Variants in POMT2 observed in about 807,000 individuals in gnomAD.
POMT2 encodes the protein protein O-mannosyl-transferase 2.
Under a neutral mutation model 100.0 loss-of-function variants are expected in POMT2, and 75 were observed. The ratio of observed to expected loss-of-function variants is 0.75; its 90% CI spans 0.62 to 0.91. The LOEUF (loss-of-function observed/expected upper bound fraction) is 0.91, where lower values mean the gene tolerates loss of function less well. Ranked by LOEUF, POMT2 falls within the 40% of genes least tolerant of loss-of-function variation. POMT2 has a pLI of 0.00. For synonymous variants in POMT2, 378 were observed against 374.1 expected (o/e 1.01, Z -0.12); for missense variants, 940 against 955.1 (o/e 0.98, Z 0.21).
intron 5 of POMT2, 84 bp downstream of exon 5, chr14:77,302,751 C>T: frequency 8.8e-7 from 1 of 1,133,532 alleles, no homozygotes; most frequent in African/African-American, 1.5e-5. Context: ...AGTCTCTGGG[C>T]ACCCGCCCTG....
At position 77,308,201 on chromosome 14, in the gene POMT2, G is replaced by GA. The variant is rs567249282; in HGVS notation, c.334-1761dup. On this transcript the variant is annotated intron_variant, in intron 2 of 20. Coordinates refer to ENST00000261534, the MANE Select transcript of POMT2 (RefSeq NM_013382.7). ...ACTAAACAACTCTTTCAAATCAATA[G>GA]AAAAAAAATGAATTACTAGAAAAAA... Among the ~76,000 whole-genome samples the GA allele has an allele frequency of 7.4e-5, 11 of 148,226 alleles. No homozygotes were observed. The South Asian group carries it at 1.7e-3, about 23-fold the overall frequency.
At chr14:77,304,229 T>C (rs1891149081) in intron 4 of POMT2, among the ~76,000 whole-genome samples, 1 of 152,252 alleles carries the variant, frequency 6.6e-6, no homozygotes. Flanking sequence ...CATTTATCCA[T>C]GTGAAGATTA....
chr14:77,306,568 G>C, intron 2 of POMT2, 127 bp from the exon 3 acceptor site: 5 of 1,055,928 alleles, frequency 4.7e-6, no homozygotes, highest in Non-Finnish European at 7.0e-6. Context: ...AGAAAATGTT[G>C]CCAATGCAAC....
At chr14:77,304,892 A>T (rs1891172201) in intron 3 of POMT2, 92 bp from the exon 4 acceptor site, 1 of 1,534,730 alleles carries the variant, frequency 6.5e-7, no homozygotes, top group Non-Finnish European at 8.8e-7. Flanking sequence ...AAGACAGGGG[A>T]CCTGATGAAG....
At chr14:77,318,198 A>C (rs1891697440) in intron 1 of POMT2, among the ~76,000 whole-genome samples, 1 of 152,202 alleles carries the variant, frequency 6.6e-6, no homozygotes, top group Admixed American at 6.5e-5. Flanking sequence ...CCTATCCAGC[A>C]CCAAAGCCTG....
rs892492028 is a variant in POMT2 at position 77,277,347 on chromosome 14, G to T, written c.*29C>A. On this transcript the variant is annotated 3_prime_UTR_variant, in exon 21 of 21. Coordinates refer to ENST00000261534, the MANE Select transcript of POMT2 (RefSeq NM_013382.7). ...CAGCTGGCTCTCCTGGGAAGTTCCT[G>T]GACCCAGGCTGGAATCTTTGCAGTG... is the stretch of plus-strand genomic sequence containing the variant. 2 of 1,567,678 alleles carry T rather than the reference G, an allele frequency of 1.3e-6. No homozygotes were observed. The highest frequency in any genetic ancestry group is 1.8e-6 in the Non-Finnish European group (2 of 1,138,094).
Position 77,279,808 on chromosome 14 carries a change from C to T in POMT2, c.1891+15G>A, listed in dbSNP as rs1161543290. Reference sequence around the variant, plus strand: ...TGCCGCCAGGTCAGGGGAGGGAGAGCCCAGAGGACCTGACCTGCAACCTCC... The same window carrying T: ...TGCCGCCAGGTCAGGGGAGGGAGAGTCCAGAGGACCTGACCTGCAACCTCC... On this transcript the variant is annotated intron_variant, in intron 18 of 20. Transcript: ENST00000261534. 1.2e-6 allele frequency: 2 copies of T among 1,609,440 alleles called. No individual in the cohort carries two copies. Among genetic ancestry groups the T allele is most frequent in the South Asian group, 2.2e-5 (2 of 90,512 alleles).
intron 20 of POMT2, 200 bp downstream of exon 20, chr14:77,278,194 T>C: frequency 1.6e-6 from 1 of 606,846 alleles, no homozygotes; most frequent in South Asian, 1.8e-5. Flanking sequence ...AGTTAAGCCC[T>C]GCTTCTCCTA....
At chr14:77,304,006 G>A (rs1308013653) in intron 4 of POMT2, among the ~76,000 whole-genome samples, 1 of 152,174 alleles carries the variant, frequency 6.6e-6, no homozygotes, top group Non-Finnish European at 1.5e-5. Context: ...GGAAATTCAA[G>A]ATACAAGGAA....
At chr14:77,308,861 C>A in intron 2 of POMT2, 1 of 418,078 alleles carries the variant, frequency 2.4e-6, no homozygotes, top group Non-Finnish European at 4.7e-6. Context: ...CGCAACTATA[C>A]AACGATATAT....
Position 77,288,786 on chromosome 14 carries a change from T to C in POMT2, c.1229A>G (p.Asp410Gly). The change falls in exon 11 of 21, where the codon GAC becomes GGC. Residue 410 changes from aspartate to glycine, a missense_variant. Asp to Gly is a moderately conservative substitution (Grantham distance 94). Transcript: ENST00000261534. ...CTCTTTGTGTTCTAGTCGAATAATG[T>C]CTCCATGTCTTACAAACTCCACTGG... The part of the protein sequence containing the change: ...SFPVEFVRHG[D>G]IIRLEHKETS... The C allele has an allele frequency of 1.2e-6, 2 of 1,613,864 alleles. No homozygotes were observed. The highest frequency in any genetic ancestry group is 1.7e-6 in the Non-Finnish European group (2 of 1,179,920).
chr14:77,306,352 G>A lies in POMT2; in HGVS notation c.423C>T (p.Tyr141=). The part of the protein sequence containing the change: ...KPGDKYEHHS[Y]MGMRGFCAFL... ...GAAGCCTTACTCCTCTCATTCCCAT[G>A]TAGCTGTGATGCTCATATTTATCCC... Residue 141 remains tyrosine, a synonymous_variant, in exon 3 of 21, where the codon TAC becomes TAT. Coordinates refer to ENST00000261534, the MANE Select transcript of POMT2 (RefSeq NM_013382.7). 1 of 1,612,778 alleles carries A rather than the reference G, an allele frequency of 6.2e-7. No homozygotes were observed.
chr14:77,307,858 C>CTTTTTT (rs57755259), intron 2 of POMT2, among the ~76,000 whole-genome samples: 72 of 101,222 alleles, frequency 7.1e-4, no homozygotes, highest in Non-Finnish European at 1.1e-3. Flanking sequence ...TTAATTTCTT[C>CTTTTTT]TTTTTTTTTT....
chr14:77,320,079 G>A (rs998671490), intron 1 of POMT2, among the ~76,000 whole-genome samples: 2 of 152,130 alleles, frequency 1.3e-5, no homozygotes, highest in African/African-American at 4.8e-5. Flanking sequence ...TGCAGACATA[G>A]GAACTCAGGC....
chr14:77,280,670 A>G (rs1219133912), intron 15 of POMT2, among the ~76,000 whole-genome samples: 3 of 151,282 alleles, frequency 2.0e-5, no homozygotes, highest in African/African-American at 7.3e-5. Context: ...CATCTCCCAT[A>G]AGGGGTCCAT....
intron 1 of POMT2, among the ~76,000 whole-genome samples, chr14:77,314,842 T>C (rs1050219050): frequency 6.6e-6 from 1 of 152,156 alleles, no homozygotes; most frequent in Non-Finnish European, 1.5e-5. Context: ...TTGAGTAAAA[T>C]GAAACACTGA....
intron 10 of POMT2, among the ~76,000 whole-genome samples, chr14:77,290,592 G>A (rs1002190348): frequency 2.0e-5 from 3 of 152,324 alleles, no homozygotes; most frequent in Middle Eastern, 3.4e-3. Context: ...TGACAGGCTC[G>A]GAAGGTGAGT....
chr14:77,302,610 G>C (rs1891081500), intron 5 of POMT2, among the ~76,000 whole-genome samples: 1 of 152,086 alleles, frequency 6.6e-6, no homozygotes, highest in Non-Finnish European at 1.5e-5. Context: ...CATTTTCTCG[G>C]TCTTGAATAT....
At chr14:77,291,624 G>A (rs570173483) in intron 9 of POMT2, 1 of 609,398 alleles carries the variant, frequency 1.6e-6, no homozygotes, top group Non-Finnish European at 2.9e-6. Flanking sequence ...TTGTTTCTTT[G>A]TATCTTTCTG....
Sources: allele counts gnomAD v4.1 joint callset (sites outside exome capture counted in the v4.1 genomes callset), GRCh38; gene constraint gnomAD v4.1.1; transcripts MANE v1.5; gene names NCBI Gene and HGNC (gene_info 2026-07-23, HGNC 2026-07-21).